MUSK: variants seen among roughly 807,000 people sequenced by gnomAD.
MUSK encodes the protein muscle associated receptor tyrosine kinase, also known as muscle, skeletal receptor tyrosine-protein kinase.
In MUSK, 55 loss-of-function variants were observed where a neutral mutation model predicts 88.7. That is an observed-to-expected ratio of 0.62 (90% CI 0.50 to 0.78). The LOEUF is 0.78. MUSK is among the 30% of genes least tolerant of loss of function. The probability of loss-of-function intolerance (pLI) is 0.00; values close to 1 mark genes in which losing one functional copy is unlikely to be tolerated. For missense variants in MUSK, 1,015 were observed against 1,074.3 expected (o/e 0.94, Z 0.77); for synonymous variants, 387 against 391.9 (o/e 0.99, Z 0.15).
intron 9 of MUSK, among the ~76,000 whole-genome samples, chr9:110,773,595 A>G (rs1356191515): frequency 6.6e-6 from 1 of 152,020 alleles, no homozygotes; most frequent in Non-Finnish European, 1.5e-5. Context: ...TTGTTCATTC[A>G]TCTCATCTTT....
chr9:110,689,709 AAC>A lies in MUSK; in HGVS notation c.358+2442_358+2443del, dbSNP rs370350787. On this transcript the variant is annotated intron_variant, in intron 3 of 14. Coordinates refer to ENST00000374448, the MANE Select transcript of MUSK (RefSeq NM_005592.4). ...TATATATAGTTATATATAAATATAT[AAC>A]TATATATGTTATATATAGTTTATAT... Among the ~76,000 whole-genome samples the A allele has an allele frequency of 4.4e-3, 245 of 55,220 alleles. 5 individuals are homozygous for A. Among genetic ancestry groups the A allele is most frequent in the African/African-American group, 0.02 (231 of 11,810 alleles). 36.2% of individuals were successfully genotyped at this position (55,220 alleles called of 152,430 possible).
At chr9:110,735,487 T>C (rs1389553626) in intron 6 of MUSK, among the ~76,000 whole-genome samples, 1 of 152,088 alleles carries the variant, frequency 6.6e-6, no homozygotes, top group Non-Finnish European at 1.5e-5. Context: ...TCATGTTCTC[T>C]TTCATAACTA....
chr9:110,770,402 A>G (rs2494309), intron 9 of MUSK, among the ~76,000 whole-genome samples: 30,147 of 145,760 alleles, frequency 0.21, 3,363 homozygotes, highest in Admixed American at 0.33. Context: ...ATAATTATAT[A>G]TTATAGTATA....
intron 6 of MUSK, among the ~76,000 whole-genome samples, chr9:110,739,390 G>C (rs68097865): frequency 0.13 from 20,069 of 152,082 alleles, 1,668 homozygotes; most frequent in East Asian, 0.31. Context: ...CCCTAACCTT[G>C]GTGTCCAGAG....
At chr9:110,682,836 G>T (rs546323961) in intron 2 of MUSK, 36 bp downstream of exon 2, 14 of 1,524,432 alleles carry the variant, frequency 9.2e-6, no homozygotes, top group Non-Finnish European at 1.1e-5. Context: ...TTAAATTTTT[G>T]TGGGTATATA....
chr9:110,753,204 G>A (rs2077269046), intron 7 of MUSK, among the ~76,000 whole-genome samples: 1 of 152,194 alleles, frequency 6.6e-6, no homozygotes, highest in Admixed American at 6.5e-5. Context: ...TCCGAGGTGG[G>A]CAGATCACCT....
In MUSK at chr9:110,713,312, T is replaced by G. The variant is rs1587942604; in HGVS notation, c.628+15846T>G. On this transcript the variant is annotated intron_variant, in intron 5 of 14. Transcript: ENST00000374448. Reference sequence around the variant, plus strand: ...TCTCTCTCTGTCATTCAGGCTGAAGTGCAGTGGTGCAATCTCTGCTCACTG... The same window carrying G: ...TCTCTCTCTGTCATTCAGGCTGAAGGGCAGTGGTGCAATCTCTGCTCACTG... Among the ~76,000 whole-genome samples the G allele has an allele frequency of 2.0e-5, 3 of 149,416 alleles. No homozygotes were observed. The East Asian group carries it at 6.1e-4, about 30-fold the overall frequency.
intron 3 of MUSK, among the ~76,000 whole-genome samples, chr9:110,689,036 CTA>C (rs202245634): frequency 0.022 from 3,072 of 136,822 alleles, 116 homozygotes; most frequent in African/African-American, 0.079. Flanking sequence ...ATACGTATAA[CTA>C]TATATTTAAA....
chr9:110,682,846 A>G (rs1285056666), intron 2 of MUSK, 46 bp downstream of exon 2: 1 of 1,405,574 alleles, frequency 7.1e-7, no homozygotes, highest in East Asian at 2.4e-5. Context: ...GTGGGTATAT[A>G]GTAGGTGTAT....
At chr9:110,789,257 G>A (rs1044154036) in intron 14 of MUSK, among the ~76,000 whole-genome samples, 1 of 152,220 alleles carries the variant, frequency 6.6e-6, no homozygotes, top group Non-Finnish European at 1.5e-5. Context: ...GGGCCAGGTG[G>A]TGGTAGTGAA....
In MUSK at chr9:110,802,952, C is replaced by T. The variant is rs1390365154; in HGVS notation, c.*1964C>T. Among the ~76,000 whole-genome samples the T allele has an allele frequency of 1.3e-5, 2 of 152,242 alleles. No homozygotes were observed. Among genetic ancestry groups the T allele is most frequent in the South Asian group, 2.1e-4 (1 of 4,816 alleles). On this transcript the variant is annotated 3_prime_UTR_variant, in exon 15 of 15. Coordinates refer to ENST00000374448, the MANE Select transcript of MUSK (RefSeq NM_005592.4). Reference sequence around the variant, plus strand: ...GACTGAATAAAGAATAAAGTTGCAGCGTGTGTCTAAAGCAGAAAGTCAAGA... The same window carrying T: ...GACTGAATAAAGAATAAAGTTGCAGTGTGTGTCTAAAGCAGAAAGTCAAGA...
chr9:110,799,740 A>G (rs150545649), intron 14 of MUSK, among the ~76,000 whole-genome samples: 2,437 of 152,330 alleles, frequency 0.016, 34 homozygotes, highest in Admixed American at 0.042. Flanking sequence ...AGAAACCTCA[A>G]ATAGTCAAAT....
At chr9:110,711,328 G>T (rs2076668480) in intron 5 of MUSK, among the ~76,000 whole-genome samples, 1 of 152,160 alleles carries the variant, frequency 6.6e-6, no homozygotes, top group South Asian at 2.1e-4. Context: ...CCAGCCTGGG[G>T]AAGCCATAGC....
intron 5 of MUSK, among the ~76,000 whole-genome samples, chr9:110,713,267 T>C (rs1475825965): frequency 2.7e-5 from 4 of 150,736 alleles, no homozygotes; most frequent in Admixed American, 6.6e-5. Context: ...TTTTTCTTTT[T>C]TTTTTTTTTT....
rs147659479 is a variant in MUSK, at chr9:110,687,555, G to C, written c.358+287G>C. On this transcript the variant is annotated intron_variant, in intron 3 of 14. Coordinates refer to ENST00000374448, the MANE Select transcript of MUSK (RefSeq NM_005592.4). ...TCACTATGTTGGACAGGCTGGTCTC[G>C]AACTCCTGACCTCTGGTGATCCGCC... Among the ~76,000 whole-genome samples, 201 of 152,028 alleles carry C rather than the reference G, an allele frequency of 1.3e-3. 2 individuals carry two copies. The highest frequency in any genetic ancestry group is 4.4e-3 in the African/African-American group (182 of 41,476).
At chr9:110,768,109 G>A (rs2077512843) in intron 9 of MUSK, 26 bp downstream of exon 9, 1 of 1,572,274 alleles carries the variant, frequency 6.4e-7, no homozygotes, top group Admixed American at 1.9e-5. Context: ...TAAGTCAAAG[G>A]AAAAATTCCA....
chr9:110,688,970 A>G (rs1004495685), intron 3 of MUSK, among the ~76,000 whole-genome samples: 3 of 145,222 alleles, frequency 2.1e-5, no homozygotes, highest in African/African-American at 7.5e-5. Flanking sequence ...ATACATACAT[A>G]TATTTAAATA....
intron 13 of MUSK, among the ~76,000 whole-genome samples, chr9:110,787,112 C>T (rs1354648727): frequency 7.9e-5 from 12 of 152,108 alleles, no homozygotes; most frequent in Non-Finnish European, 1.8e-4. Flanking sequence ...CCTGTAATCC[C>T]CGCAGTTTGG....
intron 5 of MUSK, among the ~76,000 whole-genome samples, chr9:110,709,456 C>T (rs1246999575): frequency 6.6e-6 from 1 of 152,166 alleles, no homozygotes; most frequent in Non-Finnish European, 1.5e-5. Context: ...TCTCTTTGTG[C>T]TTCAGTTTCC....
Sources: allele counts gnomAD v4.1 joint callset (sites outside exome capture counted in the v4.1 genomes callset), GRCh38; gene constraint gnomAD v4.1.1; transcripts MANE v1.5; gene names NCBI Gene and HGNC (gene_info 2026-07-23, HGNC 2026-07-21).